KDM4C: variants seen among roughly 807,000 people sequenced by gnomAD.
The protein encoded by KDM4C is lysine-specific demethylase 4C.
In KDM4C, 81 loss-of-function variants were observed where a neutral mutation model predicts 129.3. The ratio of observed to expected loss-of-function variants is 0.63; its 90% CI spans 0.52 to 0.75. The LOEUF (loss-of-function observed/expected upper bound fraction) is 0.75. Among genes scored for constraint, KDM4C ranks in the 30% least tolerant of loss-of-function variants. KDM4C has a pLI of 0.00. For synonymous variants in KDM4C, 573 were observed against 456.1 expected, an observed-to-expected ratio of 1.26 and a Z score of -3.26; for missense variants, 1,457 against 1,304.0, an observed-to-expected ratio of 1.12 and a Z score of -1.81.
intron 5 of KDM4C, among the ~76,000 whole-genome samples, chr9:6,858,340 ACAC>A (rs34599130): frequency 0.092 from 13,959 of 151,796 alleles, 2,144 homozygotes; most frequent in African/African-American, 0.32. Flanking sequence ...TCTTTTAGTT[ACAC>A]CACCACCACC....
In KDM4C at chr9:6,789,563, G is replaced by A. The variant is rs577933292; in HGVS notation, c.-17-3409G>A. Reference sequence around the variant, plus strand: ...TATTTTTTTTTAGAGACAGGGTTTCGCCATGTTGCCCAGGCTGGTCTCCAA... The same window carrying A: ...TATTTTTTTTTAGAGACAGGGTTTCACCATGTTGCCCAGGCTGGTCTCCAA... On this transcript the variant is annotated intron_variant, in intron 1 of 21. Transcript: ENST00000381309. Among the ~76,000 whole-genome samples the A allele has an allele frequency of 5.3e-5, 8 of 151,186 alleles. No homozygotes were observed. The East Asian group carries it at 1.4e-3, about 26-fold the overall frequency.
At chr9:6,853,596 G>A (rs1035142653) in intron 5 of KDM4C, among the ~76,000 whole-genome samples, 2 of 152,194 alleles carry the variant, frequency 1.3e-5, no homozygotes, top group Non-Finnish European at 2.9e-5. Context: ...TCTAGCTACC[G>A]TGTGTGGCAG....
intron 20 of KDM4C, among the ~76,000 whole-genome samples, chr9:7,169,554 G>A (rs557350299): frequency 4.6e-5 from 7 of 152,026 alleles, no homozygotes; most frequent in Admixed American, 2.6e-4. Context: ...GGATGGTCTC[G>A]ATCTCCTGAC....
At chr9:6,777,225 T>C (rs1218816315) in intron 1 of KDM4C, among the ~76,000 whole-genome samples, 1 of 152,220 alleles carries the variant, frequency 6.6e-6, no homozygotes, top group East Asian at 1.9e-4. Context: ...GGTGTTTTCA[T>C]CTACAGCAGG....
At chr9:6,892,586 G>C (rs1322615525) in intron 7 of KDM4C, among the ~76,000 whole-genome samples, 1 of 152,048 alleles carries the variant, frequency 6.6e-6, no homozygotes, top group Non-Finnish European at 1.5e-5. Flanking sequence ...GTGCTTAATT[G>C]AATGTTTTCT....
chr9:7,131,509 G>A (rs959161627), intron 19 of KDM4C, among the ~76,000 whole-genome samples: 1 of 151,648 alleles, frequency 6.6e-6, no homozygotes, highest in Non-Finnish European at 1.5e-5. Flanking sequence ...GTAGAGATGG[G>A]GTCTCACCAT....
At chr9:7,137,750 T>G (rs1324646889) in intron 19 of KDM4C, among the ~76,000 whole-genome samples, 3 of 152,206 alleles carry the variant, frequency 2.0e-5, no homozygotes, top group African/African-American at 7.2e-5. Context: ...TACAAGCCAT[T>G]ATCTTTCACC....
At chr9:6,925,499 T>G in intron 8 of KDM4C, 1 of 824,180 alleles carries the variant, frequency 1.2e-6, no homozygotes, top group Non-Finnish European at 1.5e-6. Flanking sequence ...TCTCACCATC[T>G]TGCTCATGCT....
At chr9:6,948,388 A>G (rs1016457581) in intron 8 of KDM4C, among the ~76,000 whole-genome samples, 1 of 151,796 alleles carries the variant, frequency 6.6e-6, no homozygotes, top group African/African-American at 2.4e-5. Context: ...TTCTAAATAT[A>G]CGTACTTATA....
chr9:7,046,835 T>C, intron 15 of KDM4C, 27 bp from the exon 16 acceptor site: 2 of 1,544,166 alleles, frequency 1.3e-6, no homozygotes, highest in Non-Finnish European at 1.8e-6. Context: ...GGTCTGGTCA[T>C]CATGTGGTAT....
chr9:6,853,773 G>A (rs974959015), intron 5 of KDM4C, among the ~76,000 whole-genome samples: 2 of 152,134 alleles, frequency 1.3e-5, no homozygotes, highest in Admixed American at 1.3e-4. Context: ...TATTTTCTTG[G>A]AATGAATATT....
chr9:6,948,959 G>A (rs940653017), intron 8 of KDM4C, among the ~76,000 whole-genome samples: 52 of 150,516 alleles, frequency 3.5e-4, no homozygotes, highest in African/African-American at 1.3e-3. Flanking sequence ...CGACGAAACC[G>A]CCATCGTCAT....
intron 14 of KDM4C, 105 bp downstream of exon 14, chr9:7,014,106 C>T: frequency 1.2e-6 from 1 of 812,568 alleles, no homozygotes; most frequent in South Asian, 1.7e-5. Context: ...GGACTATTGG[C>T]ATTCTTAATG....
chr9:7,011,268 A>C (rs899528089), intron 12 of KDM4C, among the ~76,000 whole-genome samples: 3 of 152,224 alleles, frequency 2.0e-5, no homozygotes, highest in Admixed American at 6.5e-5. Flanking sequence ...GCCATGTACT[A>C]TGTTAGATGA....
chr9:6,852,213 C>T lies in KDM4C; in HGVS notation c.629+2513C>T, dbSNP rs1424443774. Among the ~76,000 whole-genome samples, 6 of 152,180 alleles carry T rather than the reference C, an allele frequency of 3.9e-5. No individual in the cohort carries two copies. The East Asian group carries it at 9.7e-4, about 24-fold the overall frequency. The stretch of plus-strand genomic sequence containing the variant: ...CATTATTAAAATTCATTTTAGCAAT[C>T]CTTATAATATATTTGAGGTGAGCTT... On this transcript the variant is annotated intron_variant, in intron 5 of 21. Coordinates refer to ENST00000381309, the MANE Select transcript of KDM4C (RefSeq NM_015061.6).
At chr9:6,927,349 C>T (rs1022104307) in intron 8 of KDM4C, among the ~76,000 whole-genome samples, 4 of 152,144 alleles carry the variant, frequency 2.6e-5, no homozygotes, top group African/African-American at 9.7e-5. Flanking sequence ...AGGCTAGTCT[C>T]GAACTTCGGG....
At chr9:6,995,734 C>T (rs1238444262) in intron 12 of KDM4C, among the ~76,000 whole-genome samples, 2 of 151,980 alleles carry the variant, frequency 1.3e-5, no homozygotes, top group African/African-American at 4.8e-5. Context: ...TGCAGTGGCG[C>T]AGTCTCAGCT....
intron 1 of KDM4C, chr9:6,726,718 C>G (rs1049263472): frequency 6.6e-6 from 1 of 152,196 alleles, no homozygotes; most frequent in East Asian, 1.9e-4. Flanking sequence ...TTGCCTTAAT[C>G]TTTTTATCCA....
chr9:6,972,195 T>A (rs1832102087), intron 8 of KDM4C, among the ~76,000 whole-genome samples: 1 of 152,040 alleles, frequency 6.6e-6, no homozygotes, highest in South Asian at 2.1e-4. Context: ...TCTTACTCAC[T>A]CCATCTATTT....
Sources: gnomAD v4.1 joint callset for allele counts (sites outside exome capture counted in the v4.1 genomes callset) on GRCh38, gnomAD v4.1.1 for gene constraint, MANE v1.5 for transcripts, NCBI Gene and HGNC (gene_info 2026-07-23, HGNC 2026-07-21) for gene names.